GLE1: variants seen among roughly 807,000 people sequenced by gnomAD.
The protein encoded by GLE1 is GLE1 RNA export mediator, also known as mRNA export factor GLE1.
In GLE1, 78 loss-of-function variants were observed where a neutral mutation model predicts 97.3. That is an observed-to-expected ratio of 0.80 (90% CI 0.67 to 0.97). The LOEUF (loss-of-function observed/expected upper bound fraction) is 0.97, where lower values mean the gene tolerates loss of function less well. Ranked by LOEUF, GLE1 falls within the 50% of genes least tolerant of loss-of-function variation. The pLI, the probability that GLE1 is intolerant of heterozygous loss-of-function variation, is 0.00. For missense variants in GLE1, 753 were observed against 857.5 expected (o/e 0.88, Z 1.52); for synonymous variants, 302 against 313.4 (o/e 0.96, Z 0.39).
rs746646699 is a variant in GLE1, at chr9:128,504,772, G to C, written c.-34G>C. The C allele has an allele frequency of 7.3e-7, 1 of 1,374,748 alleles. No homozygotes were observed. Among genetic ancestry groups the C allele is most frequent in the Admixed American group, 1.7e-5 (1 of 59,754 alleles). The allele number at this position is 1,374,748 out of a possible 1,614,324, so 85.2% of individuals were successfully genotyped here. ...GATTCGAGGGCTTGTTTGGTCAGAA[G>C]GGGGGCGTCAGAGAAGCTGCCCCTT... is the stretch of plus-strand genomic sequence containing the variant. On this transcript the variant is annotated 5_prime_UTR_variant, in exon 1 of 16. Coordinates refer to ENST00000309971, the MANE Select transcript of GLE1 (RefSeq NM_001003722.2).
At chr9:128,522,232 G>A (rs1462366150) in intron 3 of GLE1, among the ~76,000 whole-genome samples, 1 of 152,200 alleles carries the variant, frequency 6.6e-6, no homozygotes, top group Non-Finnish European at 1.5e-5. Flanking sequence ...TCAAGCAAAA[G>A]GAGAAAGGAT....
At chr9:128,540,962 A>T (rs1277598356) in intron 15 of GLE1, 140 bp from the exon 16 acceptor site, 6 of 695,808 alleles carry the variant, frequency 8.6e-6, no homozygotes, top group Non-Finnish European at 1.3e-5. Flanking sequence ...CAGAACCATC[A>T]GTCTTACTGG....
chr9:128,540,413 C>T (rs1258083694), intron 15 of GLE1, 75 bp downstream of exon 15: 13 of 890,614 alleles, frequency 1.5e-5, no homozygotes, highest in Non-Finnish European at 2.1e-5. Context: ...AAGTCTTGGA[C>T]CTTCCGATGC....
At chr9:128,519,437 C>A (rs1164285510) in intron 3 of GLE1, among the ~76,000 whole-genome samples, 1 of 152,190 alleles carries the variant, frequency 6.6e-6, no homozygotes, top group African/African-American at 2.4e-5. Context: ...ATAGATGGCC[C>A]CCTGCATGTG....
At chr9:128,513,188 T>C (rs79130587) in intron 2 of GLE1, among the ~76,000 whole-genome samples, 1,818 of 152,072 alleles carry the variant, frequency 0.012, 35 homozygotes, top group African/African-American at 0.041. Flanking sequence ...ATTCTGCATC[T>C]TTCTGCTTGA....
Position 128,541,270 on chromosome 9 carries a change from T to C in GLE1, c.*100T>C, listed in dbSNP as rs1847877334. 1 of 810,024 alleles carries C rather than the reference T, an allele frequency of 1.2e-6. No individual in the cohort carries two copies. The highest frequency in any genetic ancestry group is 1.7e-5 in the African/African-American group (1 of 59,448). The allele number at this position is 810,024 out of a possible 1,614,324, so 50.2% of individuals were successfully genotyped here. On this transcript the variant is annotated 3_prime_UTR_variant, in exon 16 of 16. Transcript: ENST00000309971. Reference sequence around the variant, plus strand: ...GAGAAGTCATGTCAGATTCAGAAATTTGCCATTATGTATTTTTATGTATTT... The same window carrying C: ...GAGAAGTCATGTCAGATTCAGAAATCTGCCATTATGTATTTTTATGTATTT...
intron 15 of GLE1, chr9:128,540,852 A>T (rs1847864901): frequency 1.9e-6 from 1 of 522,196 alleles, no homozygotes; most frequent in East Asian, 3.4e-5. Flanking sequence ...GTGATTGTGA[A>T]AGATGAGGTT....
rs1034847412 is a variant in GLE1 at position 128,527,662 on chromosome 9, A to C, written c.1312+137A>C. The C allele has an allele frequency of 7.1e-6, 5 of 707,026 alleles. No individual in the cohort carries two copies. The African/African-American group carries it at 8.8e-5, about 12-fold the overall frequency. 43.8% of individuals were successfully genotyped at this position (707,026 alleles called of 1,614,324 possible). On this transcript the variant is annotated intron_variant, in intron 9 of 15. Transcript: ENST00000309971. ...CAGTTGGATCGGGTACATATAAGTG[A>C]CATACATCTTGTTTCCCTGATATAA...
chr9:128,532,773 C>T (rs1003603139), intron 9 of GLE1: 2 of 371,846 alleles, frequency 5.4e-6, no homozygotes, highest in Non-Finnish European at 7.4e-6. Flanking sequence ...GACTGACTGG[C>T]TCAGCTTGAC....
chr9:128,515,706 G>A, intron 3 of GLE1, 67 bp downstream of exon 3: 2 of 813,740 alleles, frequency 2.5e-6, no homozygotes, highest in Non-Finnish European at 2.1e-6. Context: ...GTTCCCCAGG[G>A]CGTAGGAATG....
chr9:128,530,652 G>A (rs1388396313), intron 9 of GLE1, among the ~76,000 whole-genome samples: 1 of 152,000 alleles, frequency 6.6e-6, no homozygotes, highest in Non-Finnish European at 1.5e-5. Context: ...GTTCACGCCT[G>A]TAATCCCAGC....
Position 128,508,881 on chromosome 9 carries a change from T to G in GLE1, c.105T>G (p.Val35=). ...AACCCTATTCTTTTCTCTAGGATGT[T>G]TTAGAAGAATGTATGTCTCTTCCCA... ...YRDWLLRRED[V]LEECMSLPKL... The change falls in exon 2 of 16, where the codon GTT becomes GTG. Residue 35 remains valine (V), a synonymous_variant. Coordinates refer to ENST00000309971, the MANE Select transcript of GLE1 (RefSeq NM_001003722.2). The G allele has an allele frequency of 6.3e-7, 1 of 1,577,786 alleles. No homozygotes were observed. Among genetic ancestry groups the G allele is most frequent in the Non-Finnish European group, 8.7e-7 (1 of 1,146,874 alleles).
In GLE1 at chr9:128,523,659, G is replaced by A. The variant is rs139953543; in HGVS notation, c.710G>A (p.Arg237Gln). The A allele has an allele frequency of 7.4e-6, 12 of 1,613,980 alleles. No individual in the cohort carries two copies. Among genetic ancestry groups the A allele is most frequent in the Middle Eastern group, 1.6e-4 (1 of 6,078 alleles). Residue 237 changes from arginine (R) to glutamine (Q), a missense_variant, in exon 6 of 16, where the codon CGG becomes CAG. Transcript: ENST00000309971. ...AAGCAAGCAGAACAGGAGCGGCTTCGGAAGGAAGAAGGCCAGATCCGCCTG... is the reference window on the plus strand; with the variant it reads ...AAGCAAGCAGAACAGGAGCGGCTTCAGAAGGAAGAAGGCCAGATCCGCCTG... Reference protein sequence around the residue: ...RVKQAEQERLRKEEGQIRLRA... With the variant: ...RVKQAEQERLQKEEGQIRLRA...
At chr9:128,514,812 A>G (rs1846932725) in intron 2 of GLE1, among the ~76,000 whole-genome samples, 1 of 146,574 alleles carries the variant, frequency 6.8e-6, no homozygotes, top group Non-Finnish European at 1.5e-5. Flanking sequence ...GTGCTGGGGA[A>G]AAAGGTGCCT....
At position 128,540,679 on chromosome 9, in the gene GLE1, T is replaced by C. The variant is rs147536521; in HGVS notation, c.2028+341T>C. On this transcript the variant is annotated intron_variant, in intron 15 of 15. Transcript: ENST00000309971. ...GGGAATTGGTAAGTGTCATCACTTT[T>C]CTCCATGAGATCAAACTGCACTTTC... 122 of 375,168 alleles carry C rather than the reference T, an allele frequency of 3.3e-4. 1 individual carries two copies. The East Asian group carries it at 6.9e-3, about 21-fold the overall frequency. 23.2% of individuals were successfully genotyped at this position (375,168 alleles called of 1,614,324 possible).
chr9:128,536,353 A>G lies in GLE1; in HGVS notation c.1647-2A>G. 3 of 1,613,016 alleles carry G rather than the reference A, an allele frequency of 1.9e-6. No homozygotes were observed. The highest frequency in any genetic ancestry group is 2.5e-6 in the Non-Finnish European group (3 of 1,179,340). ...CCGGCCAAATTTTTTCTTCCCGTAT[A>G]GGATGCTTGGTTACCAAGTAAAGGA... On this transcript the variant is annotated splice_acceptor_variant, in intron 11 of 15. Coordinates refer to ENST00000309971, the MANE Select transcript of GLE1 (RefSeq NM_001003722.2). LOFTEE classifies it high-confidence loss of function.
In GLE1 at chr9:128,539,658, TG is replaced by T; in HGVS notation, c.1926del (p.Trp642Ter). 6.2e-7 allele frequency: 1 copy of T among 1,611,892 alleles called. No homozygotes were observed. Among genetic ancestry groups the T allele is most frequent in the Non-Finnish European group, 8.5e-7 (1 of 1,177,964 alleles). On this transcript the variant is annotated frameshift_variant, in exon 14 of 16. Coordinates refer to ENST00000309971, the MANE Select transcript of GLE1 (RefSeq NM_001003722.2). LOFTEE classifies it high-confidence loss of function. Reference sequence around the variant, plus strand: ...CATGAAGCAATACCAGGTTCAGTTCTGGAAGATGCTAATTCTCATCAAAGAG... The same window carrying T: ...CATGAAGCAATACCAGGTTCAGTTCTGAAGATGCTAATTCTCATCAAAGAG... ...ALMKQYQVQF[W>X]KMLILIKEDY...
chr9:128,533,427 C>CAAAAAAAAAAAAAAAAAAAAAAAA (rs5900802), intron 9 of GLE1, 86 bp from the exon 10 acceptor site: 1 of 339,740 alleles, frequency 2.9e-6, no homozygotes. Context: ...GATACTGTCT[C>CAAAAAAAAAAAAAAAAAAAAAAAA]AAAAAAAAAA....
intron 6 of GLE1, among the ~76,000 whole-genome samples, chr9:128,524,839 C>G (rs13439919): frequency 0.21 from 31,879 of 151,590 alleles, 3,557 homozygotes; most frequent in East Asian, 0.39. Context: ...TTGCAATGAC[C>G]GAGATCTTGC....
Sources: gnomAD v4.1 joint callset for allele counts (sites outside exome capture counted in the v4.1 genomes callset) on GRCh38, gnomAD v4.1.1 for gene constraint, MANE v1.5 for transcripts, NCBI Gene and HGNC (gene_info 2026-07-23, HGNC 2026-07-21) for gene names.